EYS: variants seen among roughly 807,000 people sequenced by gnomAD.
EYS encodes the protein EGF-like photoreceptor maintenance factor.
EYS carries 250 observed loss-of-function variants against 282.1 expected under a neutral mutation model. The observed-to-expected ratio is 0.89, with a 90% CI of 0.80 to 0.98. EYS has a LOEUF of 0.98. Among genes scored for constraint, EYS ranks in the 50% least tolerant of loss-of-function variants. The probability of loss-of-function intolerance (pLI) is 0.00; values close to 1 mark genes in which losing one functional copy is unlikely to be tolerated. For missense variants in EYS, 4,016 were observed against 3,709.0 expected, an observed-to-expected ratio of 1.08 and a Z score of -2.15; for synonymous variants, 1,355 against 1,282.9, an observed-to-expected ratio of 1.06 and a Z score of -1.20.
chr6:65,250,493 A>C (rs1327365988), intron 12 of EYS, among the ~76,000 whole-genome samples: 14 of 151,894 alleles, frequency 9.2e-5, no homozygotes, highest in Non-Finnish European at 1.5e-5. Context: ...AGCAGAGTAG[A>C]TTTTGTTCAC....
chr6:65,204,096 C>T (rs1324976260), intron 12 of EYS, among the ~76,000 whole-genome samples: 9 of 151,784 alleles, frequency 5.9e-5, no homozygotes, highest in Non-Finnish European at 1.5e-5. Context: ...GGCTTATAGG[C>T]ATTAATGAGA....
At chr6:65,398,749 T>C (rs950083597) in intron 7 of EYS, among the ~76,000 whole-genome samples, 1 of 152,124 alleles carries the variant, frequency 6.6e-6, no homozygotes, top group Admixed American at 6.6e-5. Flanking sequence ...ATACTTGATA[T>C]CTACTTCAAT....
At chr6:64,888,134 G>A (rs992482875) in intron 18 of EYS, among the ~76,000 whole-genome samples, 3 of 151,954 alleles carry the variant, frequency 2.0e-5, no homozygotes, top group Non-Finnish European at 2.9e-5. Context: ...CCAGACAGTA[G>A]GGGAGAGGGG....
chr6:65,625,914 T>C (rs1230291901), intron 2 of EYS, among the ~76,000 whole-genome samples: 1 of 152,216 alleles, frequency 6.6e-6, no homozygotes, highest in Non-Finnish European at 1.5e-5. Context: ...CATTTGCAAA[T>C]GTAATATTTT....
intron 41 of EYS, among the ~76,000 whole-genome samples, chr6:63,752,348 T>C (rs1490724970): frequency 6.6e-6 from 1 of 151,386 alleles, no homozygotes; most frequent in African/African-American, 2.4e-5. Flanking sequence ...ACTTAGCTTA[T>C]GACAATATAT....
At chr6:63,734,816 C>G (rs1768869034) in intron 41 of EYS, among the ~76,000 whole-genome samples, 1 of 151,988 alleles carries the variant, frequency 6.6e-6, no homozygotes, top group Non-Finnish European at 1.5e-5. Flanking sequence ...GTTTAGTAGG[C>G]TGATGTATGA....
chr6:64,821,558 A>G, intron 21 of EYS, 87 bp downstream of exon 21: 1 of 663,932 alleles, frequency 1.5e-6, no homozygotes. Context: ...TGTGGAAGAA[A>G]TGACTCTGAA....
intron 26 of EYS, among the ~76,000 whole-genome samples, chr6:64,538,231 G>C (rs1322787042): frequency 6.6e-6 from 1 of 152,068 alleles, no homozygotes; most frequent in Admixed American, 6.6e-5. Flanking sequence ...ACTACCTAAT[G>C]GTTATCAAAT....
chr6:64,095,925 CAGGAGCTCTT>C (rs1300523824), intron 31 of EYS, among the ~76,000 whole-genome samples: 1 of 152,162 alleles, frequency 6.6e-6, no homozygotes, highest in Non-Finnish European at 1.5e-5. Context: ...GAGCTTCCTT[CAGGAGCTCTT>C]TTAGAGCAGG....
At chr6:65,382,990 G>C (rs557955254) in intron 8 of EYS, among the ~76,000 whole-genome samples, 64 of 137,042 alleles carry the variant, frequency 4.7e-4, no homozygotes, top group African/African-American at 1.6e-3. Flanking sequence ...GTACCACATT[G>C]CCTTGATACT....
At chr6:64,860,144 C>T (rs1257236931) in intron 19 of EYS, among the ~76,000 whole-genome samples, 1 of 152,178 alleles carries the variant, frequency 6.6e-6, no homozygotes, top group Admixed American at 6.5e-5. Flanking sequence ...TACTATCCTT[C>T]CTTTTTGAAA....
rs539501627 is a variant in EYS, at chr6:64,275,826, G to A, written c.6191+31144C>T. Among the ~76,000 whole-genome samples the A allele has an allele frequency of 1.3e-4, 19 of 151,862 alleles. No homozygotes were observed. The East Asian group carries it at 2.1e-3, about 17-fold the overall frequency. ...AAATAAAATAAAAAAATAGCTGGGC[G>A]TGGTGGCGGGCACCTATAGTCCCAG... On this transcript the variant is annotated intron_variant, in intron 30 of 42. Coordinates refer to ENST00000503581, the MANE Select transcript of EYS (RefSeq NM_001142800.2).
intron 22 of EYS, among the ~76,000 whole-genome samples, chr6:64,681,627 C>G (rs982308102): frequency 6.6e-6 from 1 of 152,132 alleles, no homozygotes; most frequent in Non-Finnish European, 1.5e-5. Context: ...GGCGCGGTGG[C>G]TCAGGCCTGT....
At chr6:63,746,664 G>A (rs568405665) in intron 41 of EYS, among the ~76,000 whole-genome samples, 1 of 152,260 alleles carries the variant, frequency 6.6e-6, no homozygotes, top group South Asian at 2.1e-4. Flanking sequence ...GAGGGTGTAT[G>A]TGTCCAGGAA....
chr6:64,252,432 A>G (rs1767247989), intron 30 of EYS, among the ~76,000 whole-genome samples: 1 of 152,060 alleles, frequency 6.6e-6, no homozygotes. Flanking sequence ...AAAACAATCC[A>G]ATTGGCTTCC....
At chr6:65,151,854 G>A (rs1026124973) in intron 12 of EYS, among the ~76,000 whole-genome samples, 10 of 151,734 alleles carry the variant, frequency 6.6e-5, no homozygotes, top group African/African-American at 2.4e-4. Flanking sequence ...TATTTCCAGT[G>A]TTAAATTTGT....
In EYS at chr6:64,617,269, C is replaced by T. The variant is rs900963858; in HGVS notation, c.3684+149G>A. ...ACGGACAACAAGGGAAAGAGGAATG[C>T]CGAGAAAAGTGTAGCGTGCACAGAG... On this transcript the variant is annotated intron_variant, in intron 24 of 42. Coordinates refer to ENST00000503581, the MANE Select transcript of EYS (RefSeq NM_001142800.2). 3.7e-5 allele frequency: 22 copies of T among 600,456 alleles called. No individual in the cohort carries two copies. In the African/African-American group the frequency reaches 4.0e-4, roughly 11 times the overall value. 37.2% of individuals were successfully genotyped at this position (600,456 alleles called of 1,614,324 possible).
intron 12 of EYS, among the ~76,000 whole-genome samples, chr6:65,287,724 G>T (rs1277678869): frequency 4.0e-5 from 6 of 151,006 alleles, no homozygotes. Flanking sequence ...TAATTCCTTT[G>T]CCATTTAAAA....
At chr6:64,375,483 T>A (rs148796617) in intron 29 of EYS, among the ~76,000 whole-genome samples, 1 of 152,242 alleles carries the variant, frequency 6.6e-6, no homozygotes, top group African/African-American at 2.4e-5. Flanking sequence ...TCGGCTAATA[T>A]ATGTTTGCAT....
Sources: allele counts gnomAD v4.1 joint callset (sites outside exome capture counted in the v4.1 genomes callset), GRCh38; gene constraint gnomAD v4.1.1; transcripts MANE v1.5; gene names NCBI Gene and HGNC (gene_info 2026-07-23, HGNC 2026-07-21).